The following PLCB1 variants were observed in gnomAD, a reference collection of about 807,000 sequenced individuals.
PLCB1 encodes phospholipase C beta 1.
Under a neutral mutation model 161.8 loss-of-function variants are expected in PLCB1, and 46 were observed. That is an observed-to-expected ratio of 0.28 (90% CI 0.22 to 0.36). PLCB1 has a LOEUF of 0.36. Among genes scored for constraint, PLCB1 ranks in the 10% least tolerant of loss-of-function variants. The pLI, the probability that PLCB1 is intolerant of heterozygous loss-of-function variation, is 1.00. For missense variants in PLCB1, 1,016 were observed against 1,472.5 expected (o/e 0.69, Z 5.07); for synonymous variants, 517 against 503.7 (o/e 1.03, Z -0.35).
At chr20:8,455,121 G>A (rs1324653922) in intron 3 of PLCB1, among the ~76,000 whole-genome samples, 1 of 151,874 alleles carries the variant, frequency 6.6e-6, no homozygotes, top group Non-Finnish European at 1.5e-5. Context: ...TCAAGGTCAG[G>A]AGTTCAAGAC....
chr20:8,596,002 C>T (rs1333585652), intron 3 of PLCB1, among the ~76,000 whole-genome samples: 1 of 119,262 alleles, frequency 8.4e-6, no homozygotes, highest in Non-Finnish European at 1.9e-5. Context: ...TGGATATTAG[C>T]CCTGTGTCAG....
chr20:8,515,005 CT>C (rs1388626129), intron 3 of PLCB1, among the ~76,000 whole-genome samples: 1 of 152,028 alleles, frequency 6.6e-6, no homozygotes. Context: ...GTAATAAGGT[CT>C]TAGATTAAAG....
intron 18 of PLCB1, chr20:8,732,068 G>C (rs1980278949): frequency 6.6e-6 from 1 of 151,950 alleles, no homozygotes; most frequent in South Asian, 2.1e-4. Flanking sequence ...TCTATCAGTT[G>C]CAATATGTGT....
At chr20:8,499,364 A>G (rs556812697) in intron 3 of PLCB1, among the ~76,000 whole-genome samples, 1 of 152,324 alleles carries the variant, frequency 6.6e-6, no homozygotes, top group South Asian at 2.1e-4. Flanking sequence ...GAACATCAAT[A>G]TAGGATTGAA....
At position 8,482,092 on chromosome 20, in the gene PLCB1, ATTTTTTT is replaced by A. The variant is rs199634903; in HGVS notation, c.246+110666_246+110672del. On this transcript the variant is annotated intron_variant, in intron 3 of 31. Transcript: ENST00000338037. ...TTCAATTTATTTTGTGCTTGAAGGA[ATTTTTTT>A]TTTTTTTTTTTTTTTTTTTTTTTGA... is the stretch of plus-strand genomic sequence containing the variant. 1.5e-4 allele frequency among the ~76,000 whole-genome samples: 16 copies of A among 104,884 alleles called. No homozygotes were observed. In the East Asian group the frequency reaches 2.9e-3, roughly 19 times the overall value. 68.8% of individuals were successfully genotyped at this position (104,884 alleles called of 152,430 possible). A position where few individuals can be genotyped will look rare whatever the true frequency, so the allele number is the denominator to read the frequency against.
chr20:8,189,396 A>G (rs1251466881), intron 2 of PLCB1, among the ~76,000 whole-genome samples: 1 of 151,148 alleles, frequency 6.6e-6, no homozygotes, highest in Non-Finnish European at 1.5e-5. Context: ...GTATTTTAAA[A>G]TATGGCCTAA....
At chr20:8,721,788 C>T (rs1366167712) in intron 14 of PLCB1, among the ~76,000 whole-genome samples, 1 of 152,122 alleles carries the variant, frequency 6.6e-6, no homozygotes, top group Non-Finnish European at 1.5e-5. Flanking sequence ...CTGCCAAAGC[C>T]CCAGAGTTCC....
chr20:8,305,581 A>C (rs187381725), intron 2 of PLCB1: 28 of 152,332 alleles, frequency 1.8e-4, no homozygotes, highest in African/African-American at 6.5e-4. Flanking sequence ...TGGTAAAGGC[A>C]TGATGAGTCC....
At chr20:8,215,907 G>A (rs564681385) in intron 2 of PLCB1, among the ~76,000 whole-genome samples, 1 of 152,122 alleles carries the variant, frequency 6.6e-6, no homozygotes, top group Non-Finnish European at 1.5e-5. Flanking sequence ...CACATCGTAA[G>A]AGAGAAATCT....
Position 8,229,116 on chromosome 20 carries a change from A to G in PLCB1, c.177+78745A>G, listed in dbSNP as rs184851830. ...AGAGATCAATGTTTGTAGCTTCCGT[A>G]TGTGAATGAGCACAAGCAGTATTTA... On this transcript the variant is annotated intron_variant, in intron 2 of 31. Transcript: ENST00000338037. Among the ~76,000 whole-genome samples, 789 of 152,170 alleles carry G rather than the reference A, an allele frequency of 5.2e-3. 9 individuals carry two copies. Among genetic ancestry groups the G allele is most frequent in the African/African-American group, 0.018 (733 of 41,492 alleles).
chr20:8,716,118 A>C, intron 12 of PLCB1, 146 bp from the exon 13 acceptor site: 1 of 636,282 alleles, frequency 1.6e-6, no homozygotes, highest in East Asian at 2.7e-5. Context: ...ATAAGTTAAG[A>C]TAAAGATCCA....
chr20:8,179,945 G>A (rs566655879), intron 2 of PLCB1, among the ~76,000 whole-genome samples: 4 of 128,386 alleles, frequency 3.1e-5, no homozygotes, highest in South Asian at 2.6e-4. Flanking sequence ...TGCAAGCTCC[G>A]CCTCCCGGGT....
chr20:8,843,446 T>C (rs1190020753), intron 31 of PLCB1, among the ~76,000 whole-genome samples: 1 of 152,178 alleles, frequency 6.6e-6, no homozygotes, highest in Non-Finnish European at 1.5e-5. Context: ...TAGAACAAAA[T>C]TAAATATTAG....
At chr20:8,330,951 A>G (rs1011875345) in intron 2 of PLCB1, among the ~76,000 whole-genome samples, 28 of 152,242 alleles carry the variant, frequency 1.8e-4, no homozygotes, top group African/African-American at 6.0e-4. Context: ...TTTAATATGC[A>G]CAAAGCGCTT....
In PLCB1 at chr20:8,872,282, T is replaced by C. The variant is rs1303466875; in HGVS notation, c.3424-9340T>C. On this transcript the variant is annotated intron_variant, in intron 31 of 31. Coordinates refer to ENST00000338037, the MANE Select transcript of PLCB1 (RefSeq NM_015192.4). ...AAAAAGCAGCAGTAATTGATTTCCA[T>C]TGTGAATGGCCTGTATTCTTCTACA... is the stretch of plus-strand genomic sequence containing the variant. Among the ~76,000 whole-genome samples the C allele has an allele frequency of 3.3e-5, 5 of 152,236 alleles. No homozygotes were observed. In the East Asian group the frequency reaches 9.6e-4, roughly 29 times the overall value.
rs1980880006 is a variant in PLCB1, at chr20:8,741,532, G to T, written c.2482G>T (p.Ala828Ser). 6 of 1,613,600 alleles carry T rather than the reference G, an allele frequency of 3.7e-6. No individual in the cohort carries two copies. The highest frequency in any genetic ancestry group is 4.2e-6 in the Non-Finnish European group (5 of 1,179,652). Residue 828 changes from alanine to serine, a missense_variant, in exon 23 of 32, where the codon GCT (alanine) becomes TCT (serine). Physicochemically the swap from Ala to Ser is moderately conservative, Grantham distance 99. This residue lies in a region of PLCB1 where 3 missense variants were observed against 16.8 expected (regional missense o/e 0.18). Coordinates refer to ENST00000338037, the MANE Select transcript of PLCB1 (RefSeq NM_015192.4). Reference protein sequence around the residue: ...NLMEQRAKQLAALTLEDEEEV... With the variant: ...NLMEQRAKQLSALTLEDEEEV... ...GATGGAACAGAGAGCTAAGCAATTG[G>T]CTGCTTTGACACTGGAAGATGAAGA...
intron 3 of PLCB1, among the ~76,000 whole-genome samples, chr20:8,622,768 A>AC (rs11480376): frequency 0.97 from 147,851 of 152,322 alleles, 71,766 homozygotes; most frequent in East Asian, 1. Flanking sequence ...CAGATCTTTG[A>AC]TTGGGTCAGC....
At chr20:8,739,231 A>G (rs762976158) in intron 20 of PLCB1, 30 bp from the exon 21 acceptor site, 12 of 1,211,692 alleles carry the variant, frequency 9.9e-6, no homozygotes, top group Non-Finnish European at 1.5e-5. Context: ...TCATTCTTAT[A>G]ACCAGGTGTG....
intron 2 of PLCB1, among the ~76,000 whole-genome samples, chr20:8,162,812 T>A (rs1185570274): frequency 6.6e-6 from 1 of 152,244 alleles, no homozygotes; most frequent in Non-Finnish European, 1.5e-5. Context: ...GTATACATAA[T>A]GGATTCTATT....
Sources: allele counts gnomAD v4.1 joint callset (sites outside exome capture counted in the v4.1 genomes callset), GRCh38; gene constraint gnomAD v4.1.1; regional missense constraint gnomAD v4.1.1; transcripts MANE v1.5; gene names NCBI Gene and HGNC (gene_info 2026-07-23, HGNC 2026-07-21).